Variants in ADAMTS13 observed in about 807,000 individuals in gnomAD.
The protein encoded by ADAMTS13 is A disintegrin and metalloproteinase with thrombospondin motifs 13.
In ADAMTS13, 110 loss-of-function variants were observed where a neutral mutation model predicts 155.1. The ratio of observed to expected loss-of-function variants is 0.71; its 90% CI spans 0.61 to 0.83. The LOEUF (loss-of-function observed/expected upper bound fraction) is 0.83. Ranked by LOEUF, ADAMTS13 falls within the 40% of genes least tolerant of loss-of-function variation. The pLI, the probability that ADAMTS13 is intolerant of heterozygous loss-of-function variation, is 0.00. For missense variants in ADAMTS13, 1,707 were observed against 1,891.7 expected (o/e 0.90, Z 1.81); for synonymous variants, 758 against 756.4 (o/e 1.00, Z -0.03).
At chr9:133,419,186 G>C (rs1035738143), upstream of ADAMTS13, among the ~76,000 whole-genome samples, 1 of 152,192 alleles carries the variant, frequency 6.6e-6, no homozygotes, top group African/African-American at 2.4e-5. Flanking sequence ...AGAGGTTGAT[G>C]GAGTAACAGG....
At chr9:133,415,195 T>G (rs1302388128) in intron 1 of ADAMTS13, among the ~76,000 whole-genome samples, 5 of 152,166 alleles carry the variant, frequency 3.3e-5, no homozygotes, top group Non-Finnish European at 7.4e-5. Context: ...TTCTCATGGG[T>G]CACTTGTGGT....
chr9:133,433,927 C>G (rs912850724), intron 11 of ADAMTS13, among the ~76,000 whole-genome samples: 4 of 152,032 alleles, frequency 2.6e-5, no homozygotes, highest in African/African-American at 7.2e-5. Flanking sequence ...GAAATCTCGT[C>G]TCTACAGAAA....
intron 22 of ADAMTS13, among the ~76,000 whole-genome samples, chr9:133,449,355 A>T (rs966673446): frequency 1.4e-4 from 21 of 151,682 alleles, no homozygotes; most frequent in African/African-American, 4.8e-4. Context: ...AGGGGGACAG[A>T]TAATAATAGG....
chr9:133,429,739 C>T, intron 7 of ADAMTS13, 200 bp from the exon 8 acceptor site: 1 of 766,254 alleles, frequency 1.3e-6, no homozygotes, highest in Non-Finnish European at 2.2e-6. Flanking sequence ...TGGCCACCCA[C>T]CTCTGCGCCG....
rs971666581 is a variant in ADAMTS13, at chr9:133,447,944, C to T, written c.2732-655C>T. On this transcript the variant is annotated intron_variant, in intron 21 of 28. Transcript: ENST00000355699. ...GACTTGAGAAAACTGGCCCTAATAACATCTTTATGATAGACACAATCAGAG... is the reference window on the plus strand; with the variant it reads ...GACTTGAGAAAACTGGCCCTAATAATATCTTTATGATAGACACAATCAGAG... 2.0e-5 allele frequency among the ~76,000 whole-genome samples: 3 copies of T among 151,772 alleles called. No homozygotes were observed. The South Asian group carries it at 6.2e-4, about 32-fold the overall frequency.
chr9:133,435,436 G>A (rs1216112966), intron 11 of ADAMTS13, among the ~76,000 whole-genome samples: 1 of 151,524 alleles, frequency 6.6e-6, no homozygotes, highest in South Asian at 2.1e-4. Flanking sequence ...TGATCTGCCC[G>A]CCTTGGCCTC....
rs781946010 is a variant in ADAMTS13, at chr9:133,437,761, G to A, written c.1448G>A (p.Cys483Tyr). The change falls in exon 13 of 29, where the codon TGC becomes TAC. Residue 483 changes from cysteine to tyrosine, a missense_variant. Transcript: ENST00000355699. ...TCTGCCCTCCCAGGGGATGCTCTGTGCAGACACATGTGCCGGGCCATTGGC... is the reference window on the plus strand; with the variant it reads ...TCTGCCCTCCCAGGGGATGCTCTGTACAGACACATGTGCCGGGCCATTGGC... ...AVPHSQGDAL[C>Y]RHMCRAIGES... 1 of 1,613,910 alleles carries A rather than the reference G, an allele frequency of 6.2e-7. No individual in the cohort carries two copies. Among genetic ancestry groups the A allele is most frequent in the South Asian group, 1.1e-5 (1 of 91,090 alleles).
intron 7 of ADAMTS13, 108 bp from the exon 8 acceptor site, chr9:133,429,831 A>G: frequency 6.9e-7 from 1 of 1,442,084 alleles, no homozygotes. Context: ...CCCACTCACA[A>G]AAGGCCACGC....
upstream of ADAMTS13, among the ~76,000 whole-genome samples, chr9:133,420,148 C>G (rs587693123): frequency 4.6e-5 from 7 of 152,330 alleles, no homozygotes; most frequent in South Asian, 1.4e-3. Context: ...AGGTGATCCT[C>G]TCGCCTCAGC....
At chr9:133,432,496 C>A in intron 8 of ADAMTS13, 92 bp from the exon 9 acceptor site, 1 of 1,127,092 alleles carries the variant, frequency 8.9e-7, no homozygotes, top group Non-Finnish European at 1.3e-6. Flanking sequence ...GTCAGTGTGT[C>A]CTGCAGTCTG....
In ADAMTS13 at chr9:133,433,426, G is replaced by T; in HGVS notation, c.1141G>T (p.Ala381Ser). The T allele has an allele frequency of 6.2e-7, 1 of 1,613,346 alleles. No individual in the cohort carries two copies. The highest frequency in any genetic ancestry group is 8.5e-7 in the Non-Finnish European group (1 of 1,179,938). Residue 381 changes from alanine (A) to serine (S), a missense_variant, in exon 10 of 29, where the codon GCA becomes TCA. Coordinates refer to ENST00000355699, the MANE Select transcript of ADAMTS13 (RefSeq NM_139027.6). ...CTCCCTGGTGGAGCTGACCCCCATA[G>T]CAGCAGTGCATGGGCGCTGGTCTAG... ...CRSLVELTPI[A>S]AVHGRWSSWG...
At position 133,436,972 on chromosome 9, in the gene ADAMTS13, G is replaced by A. The variant is rs782754067; in HGVS notation, c.1435+17G>A. On this transcript the variant is annotated intron_variant, in intron 12 of 28. Coordinates refer to ENST00000355699, the MANE Select transcript of ADAMTS13 (RefSeq NM_139027.6). ...ACAGCCAAGGTGGGGCCTGCGGAGTGTGGGGTTGGGGGAGGAGCCAGCCCT... is the reference window on the plus strand; with the variant it reads ...ACAGCCAAGGTGGGGCCTGCGGAGTATGGGGTTGGGGGAGGAGCCAGCCCT... 2.7e-5 allele frequency: 43 copies of A among 1,593,104 alleles called. No homozygotes were observed. Among genetic ancestry groups the A allele is most frequent in the Non-Finnish European group, 3.5e-5 (41 of 1,171,854 alleles).
At position 133,433,686 on chromosome 9, in the gene ADAMTS13, C is replaced by A; in HGVS notation, c.1290C>A (p.Ala430=). 6.2e-7 allele frequency: 1 copy of A among 1,613,606 alleles called. No individual in the cohort carries two copies. The change falls in exon 11 of 29, where the codon GCC becomes GCA. Residue 430 remains alanine (A), a synonymous_variant. Coordinates refer to ENST00000355699, the MANE Select transcript of ADAMTS13 (RefSeq NM_139027.6). ...CATGTGTTGGTGCTGACCTCCAGGCCGAGATGTGCAACACTCAGGTAGGCC... is the reference window on the plus strand; with the variant it reads ...CATGTGTTGGTGCTGACCTCCAGGCAGAGATGTGCAACACTCAGGTAGGCC... ...GRACVGADLQ[A]EMCNTQACEK... is the part of the protein sequence containing the mutation.
intron 25 of ADAMTS13, 159 bp downstream of exon 25, chr9:133,455,594 G>A (rs782128103): frequency 6.2e-7 from 1 of 1,602,378 alleles, no homozygotes; most frequent in East Asian, 2.2e-5. Context: ...GGAAAACTCA[G>A]TGCAGTCCAG....
In ADAMTS13 at chr9:133,425,393, C is replaced by G; in HGVS notation, c.331-136C>G. ...GCAGCACATTTTAGGAGCCCCCCGC[C>G]CCGCCCGGTTCCCACACATGCTGGT... is the stretch of plus-strand genomic sequence containing the variant. On this transcript the variant is annotated intron_variant, in intron 3 of 28. Transcript: ENST00000355699. The surrounding 1 kb of genome is among the most constrained non-coding windows in gnomAD (Gnocchi z 4.6). 1 of 706,490 alleles carries G rather than the reference C, an allele frequency of 1.4e-6. No homozygotes were observed. The allele number at this position is 706,490 out of a possible 1,614,324, so 43.8% of individuals were successfully genotyped here. A position where few individuals can be genotyped will look rare whatever the true frequency, so the allele number is the denominator to read the frequency against.
intron 19 of ADAMTS13, among the ~76,000 whole-genome samples, chr9:133,444,347 G>A (rs2130886032): frequency 6.6e-6 from 1 of 152,084 alleles, no homozygotes; most frequent in South Asian, 2.1e-4. Context: ...AGGAGGGATG[G>A]GTTCTCTTTT....
chr9:133,450,248 C>T (rs1554793999), intron 23 of ADAMTS13, among the ~76,000 whole-genome samples: 1 of 151,978 alleles, frequency 6.6e-6, no homozygotes, highest in Non-Finnish European at 1.5e-5. Context: ...GCCTGGCCAA[C>T]ATGGTGAAAC....
chr9:133,429,824 A>C, intron 7 of ADAMTS13, 115 bp from the exon 8 acceptor site: 1 of 1,377,030 alleles, frequency 7.3e-7, no homozygotes, highest in Non-Finnish European at 1.0e-6. Flanking sequence ...TCCTGTTCCC[A>C]CTCACAAAAG....
At chr9:133,439,245 G>A (rs1008335678) in intron 14 of ADAMTS13, 121 bp from the exon 15 acceptor site, 3 of 802,380 alleles carry the variant, frequency 3.7e-6, no homozygotes, top group Non-Finnish European at 4.4e-6. Flanking sequence ...GGGACTCACT[G>A]CTGCTGGAGC....
Sources: gnomAD v4.1 joint callset for allele counts (sites outside exome capture counted in the v4.1 genomes callset) on GRCh38, gnomAD v4.1.1 for gene constraint, Gnocchi (gnomAD v3.1) non-coding constraint, MANE v1.5 for transcripts, NCBI Gene and HGNC (gene_info 2026-07-23, HGNC 2026-07-21) for gene names.